The following ANKS6 variants were observed in gnomAD, a reference collection of about 807,000 sequenced individuals.
ANKS6 encodes the protein ankyrin repeat and SAM domain-containing protein 6.
ANKS6 carries 47 observed loss-of-function variants against 77.9 expected under a neutral mutation model. The observed-to-expected ratio is 0.60, with a 90% CI of 0.48 to 0.77. ANKS6 has a LOEUF of 0.77. ANKS6 is among the 30% of genes least tolerant of loss of function. The pLI is 0.00. For synonymous variants in ANKS6, 488 were observed against 501.7 expected (o/e 0.97, Z 0.37); for missense variants, 1,150 against 1,159.1 (o/e 0.99, Z 0.11).
intron 13 of ANKS6, among the ~76,000 whole-genome samples, chr9:98,746,811 G>T (rs1266367761): frequency 6.6e-6 from 1 of 152,132 alleles, no homozygotes; most frequent in Non-Finnish European, 1.5e-5. Flanking sequence ...TCCCCAGTCC[G>T]GGCCCTTCCC....
chr9:98,750,926 T>C, intron 13 of ANKS6, 103 bp downstream of exon 13: 1 of 880,890 alleles, frequency 1.1e-6, no homozygotes, highest in South Asian at 1.5e-5. Flanking sequence ...ACTGTCTCAG[T>C]GCAAGAGATC....
intron 8 of ANKS6, 115 bp downstream of exon 8, chr9:98,777,290 C>T (rs975446241): frequency 1.7e-6 from 2 of 1,145,672 alleles, no homozygotes; most frequent in Non-Finnish European, 2.6e-6. Flanking sequence ...TTCTCATCAC[C>T]AACCCTATCT....
Position 98,745,555 on chromosome 9 carries a change from G to T in ANKS6, c.2511+4C>A. The T allele has an allele frequency of 6.2e-7, 1 of 1,609,090 alleles. No homozygotes were observed. The highest frequency in any genetic ancestry group is 8.5e-7 in the Non-Finnish European group (1 of 1,175,362). ...ACGGAAATACAAGAAACAGAGAACG[G>T]TACCTTGCCTGCGTTCAGTTCAGAA... is the stretch of plus-strand genomic sequence containing the variant. On this transcript the variant is annotated splice_donor_region_variant and intron_variant, in intron 14 of 14. Coordinates refer to ENST00000353234, the MANE Select transcript of ANKS6 (RefSeq NM_173551.5).
chr9:98,767,714 G>A (rs746801705), intron 11 of ANKS6, among the ~76,000 whole-genome samples: 14 of 152,230 alleles, frequency 9.2e-5, no homozygotes, highest in Non-Finnish European at 1.5e-4. Flanking sequence ...ATGCTGAGGT[G>A]TGGGGCTGAG....
chr9:98,789,996 G>T, intron 2 of ANKS6, 108 bp downstream of exon 2: 1 of 1,439,658 alleles, frequency 6.9e-7, no homozygotes, highest in Non-Finnish European at 9.3e-7. Flanking sequence ...GGTCTGCAGG[G>T]CTGGACTCTG....
intron 9 of ANKS6, among the ~76,000 whole-genome samples, chr9:98,773,286 T>C (rs942007790): frequency 6.6e-6 from 1 of 152,212 alleles, no homozygotes; most frequent in African/African-American, 2.4e-5. Context: ...ACCCAGCACA[T>C]GGCGACAGGG....
intron 12 of ANKS6, among the ~76,000 whole-genome samples, chr9:98,754,026 T>G (rs2117908934): frequency 6.6e-6 from 1 of 152,252 alleles, no homozygotes; most frequent in East Asian, 1.9e-4. Context: ...GAGTGCCCGC[T>G]CACCAGGGGA....
rs1430374888 is a variant in ANKS6 at position 98,733,859 on chromosome 9, T to C, written c.*2660A>G. ...TTTCTTTATGAAAAACCTATTATCC[T>C]GTGGAACTAGGGTTCCCAGGAGCAT... On this transcript the variant is annotated 3_prime_UTR_variant, in exon 15 of 15. Coordinates refer to ENST00000353234, the MANE Select transcript of ANKS6 (RefSeq NM_173551.5). 1.0e-6 allele frequency: 1 copy of C among 985,232 alleles called. No individual in the cohort carries two copies. The highest frequency in any genetic ancestry group is 6.2e-5 in the Admixed American group (1 of 16,260). 61.0% of individuals were successfully genotyped at this position (985,232 alleles called of 1,614,324 possible).
intron 3 of ANKS6, 148 bp downstream of exon 3, chr9:98,784,684 A>G: frequency 1.4e-6 from 1 of 732,952 alleles, no homozygotes; most frequent in South Asian, 1.8e-5. Flanking sequence ...ACTGGCCTCC[A>G]GGATCTGAAC....
At position 98,791,331 on chromosome 9, in the gene ANKS6, G is replaced by A. The variant is rs1350462572; in HGVS notation, c.360-725C>T. 3.9e-5 allele frequency among the ~76,000 whole-genome samples: 6 copies of A among 152,206 alleles called. No homozygotes were observed. The highest frequency in any genetic ancestry group is 7.4e-5 in the Non-Finnish European group (5 of 68,020). On this transcript the variant is annotated intron_variant, in intron 1 of 14. Coordinates refer to ENST00000353234, the MANE Select transcript of ANKS6 (RefSeq NM_173551.5). This position sits in a 1 kb window ranked among gnomAD's most constrained non-coding sequence, Gnocchi z 4.3. ...ATAGGCTGGGCATTGCGGCCTGGAG[G>A]CCTGCTGCCACCTGCTGGCAGGAAT...
chr9:98,796,491 TCGCCGCCGCCACGCGCGGCC>T lies in ANKS6; in HGVS notation c.-20_-1del. 1 of 988,678 alleles carries T rather than the reference TCGCCGCCGCCACGCGCGGCC, an allele frequency of 1.0e-6. No homozygotes were observed. Among genetic ancestry groups the T allele is most frequent in the Non-Finnish European group, 1.2e-6 (1 of 833,928 alleles). 61.2% of individuals were successfully genotyped at this position (988,678 alleles called of 1,614,324 possible). On this transcript the variant is annotated 5_prime_UTR_variant, in exon 1 of 15. Transcript: ENST00000353234. The stretch of plus-strand genomic sequence containing the variant: ...GCCGGGGGCAGCCCGCCCTCGCCCA[TCGCCGCCGCCACGCGCGGCC>T]CGCTCCCGTCCGCCCCGCCGGCCGC...
At chr9:98,774,903 C>A (rs867635017) in intron 8 of ANKS6, among the ~76,000 whole-genome samples, 1 of 152,220 alleles carries the variant, frequency 6.6e-6, no homozygotes, top group Admixed American at 6.5e-5. Context: ...GCCGAGCAGG[C>A]GGGCATCTCC....
Position 98,732,344 on chromosome 9 carries a change from T to C in ANKS6, c.*4175A>G. On this transcript the variant is annotated 3_prime_UTR_variant, in exon 15 of 15. Coordinates refer to ENST00000353234, the MANE Select transcript of ANKS6 (RefSeq NM_173551.5). Reference sequence around the variant, plus strand: ...CCCTGCCCCCTTTTTACCCGCTGGATCAGCTTCTACGACTTGGTCAAACTA... The same window carrying C: ...CCCTGCCCCCTTTTTACCCGCTGGACCAGCTTCTACGACTTGGTCAAACTA... 1 of 842,500 alleles carries C rather than the reference T, an allele frequency of 1.2e-6. No individual in the cohort carries two copies. Among genetic ancestry groups the C allele is most frequent in the African/African-American group, 1.7e-5 (1 of 58,582 alleles). 52.2% of individuals were successfully genotyped at this position (842,500 alleles called of 1,614,324 possible). A position where few individuals can be genotyped will look rare whatever the true frequency, so the allele number is the denominator to read the frequency against.
intron 12 of ANKS6, among the ~76,000 whole-genome samples, chr9:98,753,577 C>T (rs548273540): frequency 3.3e-5 from 5 of 151,290 alleles, no homozygotes; most frequent in Non-Finnish European, 5.9e-5. Context: ...GCTGTGATCA[C>T]ACCACTGTAC....
intron 2 of ANKS6, among the ~76,000 whole-genome samples, chr9:98,785,101 T>C (rs935028050): frequency 1.3e-5 from 2 of 152,190 alleles, no homozygotes; most frequent in Non-Finnish European, 2.9e-5. Flanking sequence ...AAAACACGAA[T>C]GAGCAGCAGA....
chr9:98,775,294 A>G (rs2118063542), intron 8 of ANKS6, among the ~76,000 whole-genome samples: 1 of 152,366 alleles, frequency 6.6e-6, no homozygotes, highest in Admixed American at 6.5e-5. Flanking sequence ...GCAAATAATC[A>G]GGCAAGTGGG....
At chr9:98,738,946 G>C (rs992502293) in intron 14 of ANKS6, among the ~76,000 whole-genome samples, 2 of 152,174 alleles carry the variant, frequency 1.3e-5, no homozygotes, top group African/African-American at 4.8e-5. Flanking sequence ...TATTCGCAGT[G>C]ACCTGGATGA....
chr9:98,746,497 T>C (rs1333035561), intron 13 of ANKS6, among the ~76,000 whole-genome samples: 1 of 151,902 alleles, frequency 6.6e-6, no homozygotes, highest in Non-Finnish European at 1.5e-5. Flanking sequence ...GGACTTCAGA[T>C]AGACGGAGTC....
At position 98,768,142 on chromosome 9, in the gene ANKS6, G is replaced by A. The variant is rs764702464; in HGVS notation, c.2081C>T (p.Pro694Leu). Residue 694 changes from proline (P) to leucine (L), a missense_variant, in exon 11 of 15, where the codon CCG becomes CTG. By Grantham distance (98) the Pro-to-Leu change is moderately conservative. Coordinates refer to ENST00000353234, the MANE Select transcript of ANKS6 (RefSeq NM_173551.5). ...TGGAAGCTCAGACGGGCTGGACCCCGGTGCTGGCCCCACAGGGCTTGACCG... is the reference window on the plus strand; with the variant it reads ...TGGAAGCTCAGACGGGCTGGACCCCAGTGCTGGCCCCACAGGGCTTGACCG... ...SHRSSPVGPA[P>L]GSSPSELPAS... The A allele has an allele frequency of 2.2e-5, 35 of 1,613,610 alleles. No individual in the cohort carries two copies. Among genetic ancestry groups the A allele is most frequent in the East Asian group, 8.9e-5 (4 of 44,888 alleles).
Sources: gnomAD v4.1 joint callset for allele counts (sites outside exome capture counted in the v4.1 genomes callset) on GRCh38, gnomAD v4.1.1 for gene constraint, Gnocchi (gnomAD v3.1) non-coding constraint, MANE v1.5 for transcripts, NCBI Gene and HGNC (gene_info 2026-07-23, HGNC 2026-07-21) for gene names.